SUCLG1: variants seen among roughly 807,000 people sequenced by gnomAD.
SUCLG1 encodes succinate--CoA ligase [ADP/GDP-forming] subunit alpha, mitochondrial.
SUCLG1 carries 26 observed loss-of-function variants against 37.3 expected under a neutral mutation model. The ratio of observed to expected loss-of-function variants is 0.70; its 90% CI spans 0.51 to 0.97. SUCLG1 has a LOEUF of 0.97. SUCLG1 is among the 50% of genes least tolerant of loss of function. SUCLG1 has a pLI of 0.00. For synonymous variants in SUCLG1, 163 were observed against 155.6 expected (o/e 1.05, Z -0.36); for missense variants, 433 against 432.9 (o/e 1.00, Z 0.00).
chr2:84,428,566 G>C (rs1238855183), intron 7 of SUCLG1, among the ~76,000 whole-genome samples: 1 of 152,138 alleles, frequency 6.6e-6, no homozygotes, highest in East Asian at 1.9e-4. Flanking sequence ...CAAAAAGTGG[G>C]AATATTGTTG....
chr2:84,448,967 G>A (rs1465290796), intron 2 of SUCLG1: 1 of 402,706 alleles, frequency 2.5e-6, no homozygotes. Context: ...AGAAAGGTAG[G>A]AAAAAGGAAA....
chr2:84,438,832 G>A (rs554142673), intron 5 of SUCLG1, among the ~76,000 whole-genome samples: 21 of 152,314 alleles, frequency 1.4e-4, no homozygotes, highest in African/African-American at 5.1e-4. Context: ...CTAGCTAGAA[G>A]TTTGTAAAAT....
chr2:84,423,802 G>T (rs919668025), intron 8 of SUCLG1, 30 bp from the exon 9 acceptor site: 1 of 1,597,500 alleles, frequency 6.3e-7, no homozygotes, highest in African/African-American at 1.3e-5. Flanking sequence ...AGAGAAGAGA[G>T]ATGGAATGAA....
intron 2 of SUCLG1, among the ~76,000 whole-genome samples, chr2:84,447,833 G>A (rs1440658970): frequency 6.6e-6 from 1 of 152,036 alleles, no homozygotes. Flanking sequence ...GGACTCAAGT[G>A]ATCCTTCCAC....
intron 3 of SUCLG1, 170 bp downstream of exon 3, chr2:84,443,114 G>T: frequency 1.4e-6 from 1 of 707,802 alleles, no homozygotes; most frequent in Non-Finnish European, 2.6e-6. Context: ...TTCATACCTA[G>T]AAACAAAAAT....
chr2:84,437,372 G>C (rs74417880), intron 5 of SUCLG1, among the ~76,000 whole-genome samples: 2,246 of 152,302 alleles, frequency 0.015, 45 homozygotes, highest in East Asian at 0.066. Context: ...CAAAACCCAA[G>C]GAGGGGCATT....
At chr2:84,436,704 C>T (rs1672691547) in intron 5 of SUCLG1, among the ~76,000 whole-genome samples, 2 of 152,210 alleles carry the variant, frequency 1.3e-5, no homozygotes, top group Admixed American at 6.5e-5. Flanking sequence ...AATATCCTGA[C>T]CACACACTGA....
At chr2:84,445,970 T>C (rs1573372686) in intron 2 of SUCLG1, among the ~76,000 whole-genome samples, 1 of 152,242 alleles carries the variant, frequency 6.6e-6, no homozygotes, top group African/African-American at 2.4e-5. Flanking sequence ...TGCCTACTTA[T>C]TACACTCCAG....
At chr2:84,425,337 G>A (rs1672515512) in intron 8 of SUCLG1, 78 bp downstream of exon 8, 2 of 1,565,502 alleles carry the variant, frequency 1.3e-6, no homozygotes, top group African/African-American at 2.7e-5. Flanking sequence ...CAAAGGCCAT[G>A]ATTTCCAGGT....
At chr2:84,438,460 T>C (rs1002037253) in intron 5 of SUCLG1, among the ~76,000 whole-genome samples, 1 of 152,226 alleles carries the variant, frequency 6.6e-6, no homozygotes, top group Non-Finnish European at 1.5e-5. Flanking sequence ...TAGCTGTTAT[T>C]AACAAAAACT....
chr2:84,435,437 A>C (rs1672673442), intron 5 of SUCLG1, among the ~76,000 whole-genome samples: 1 of 152,202 alleles, frequency 6.6e-6, no homozygotes, highest in Admixed American at 6.5e-5. Flanking sequence ...TCATTCATTG[A>C]ATGGTTCACT....
At chr2:84,425,815 CTG>C in intron 7 of SUCLG1, 1 of 602,568 alleles carries the variant, frequency 1.7e-6, no homozygotes, top group Non-Finnish European at 2.9e-6. Flanking sequence ...GAATACAACA[CTG>C]TGCCAATGTC....
Position 84,443,323 on chromosome 2 carries a change from C to G in SUCLG1, c.279G>C (p.Gln93His). 6.2e-7 allele frequency: 1 copy of G among 1,614,162 alleles called. No individual in the cohort carries two copies. Among genetic ancestry groups the G allele is most frequent in the Non-Finnish European group, 8.5e-7 (1 of 1,180,004 alleles). The change falls in exon 3 of 9, where the codon CAG (glutamine) becomes CAC (histidine). Residue 93 changes from glutamine to histidine, a missense_variant. Physicochemically the swap from Gln to His is conservative, Grantham distance 24. Transcript: ENST00000393868. ...VGGTTPGKGG[Q>H]THLGLPVFNT... ...TAAAGACAGGTAAGCCCAGATGTGT[C>G]TGGCCTCCTTTCCCTGGAGTGGTTC... is the stretch of plus-strand genomic sequence containing the variant.
chr2:84,433,131 C>T (rs1672634223), intron 6 of SUCLG1: 2 of 593,656 alleles, frequency 3.4e-6, no homozygotes, highest in Non-Finnish European at 6.0e-6. Flanking sequence ...CCACGTGTTC[C>T]AAGATGTTAG....
intron 2 of SUCLG1, among the ~76,000 whole-genome samples, chr2:84,446,215 A>G (rs148372712): frequency 6.6e-6 from 1 of 152,348 alleles, no homozygotes; most frequent in Non-Finnish European, 1.5e-5. Context: ...TATTTCTTCC[A>G]TAGCAATTAT....
At chr2:84,438,596 AT>A (rs1268965771) in intron 5 of SUCLG1, among the ~76,000 whole-genome samples, 1 of 152,192 alleles carries the variant, frequency 6.6e-6, no homozygotes, top group Non-Finnish European at 1.5e-5. Context: ...CAAGGAGGCT[AT>A]TGAGACTATT....
At chr2:84,450,934 G>A (rs911187955) in intron 1 of SUCLG1, among the ~76,000 whole-genome samples, 4 of 152,196 alleles carry the variant, frequency 2.6e-5, no homozygotes, top group African/African-American at 7.2e-5. Context: ...GAACTGCTAC[G>A]TAACAGGCAG....
intron 6 of SUCLG1, 51 bp from the exon 7 acceptor site, chr2:84,431,710 G>C: frequency 6.3e-7 from 1 of 1,595,602 alleles, no homozygotes; most frequent in African/African-American, 1.3e-5. Flanking sequence ...GTGAACCATG[G>C]AATTTAGGTC....
At chr2:84,439,334 C>CTCA (rs1672734890) in intron 5 of SUCLG1, among the ~76,000 whole-genome samples, 1 of 152,142 alleles carries the variant, frequency 6.6e-6, no homozygotes, top group Non-Finnish European at 1.5e-5. Flanking sequence ...TAGGTTTATG[C>CTCA]TCACCTTAGA....
Sources: allele counts gnomAD v4.1 joint callset (sites outside exome capture counted in the v4.1 genomes callset), GRCh38; gene constraint gnomAD v4.1.1; transcripts MANE v1.5; gene names NCBI Gene and HGNC (gene_info 2026-07-23, HGNC 2026-07-21).